The following SUPT3H variants were observed in gnomAD, a reference collection of about 807,000 sequenced individuals.
SUPT3H encodes the protein SPT3 homolog, SAGA and STAGA complex component, also known as transcription initiation protein SPT3 homolog.
A neutral mutation model predicts 44.3 loss-of-function variants in SUPT3H; 44 were observed. That is an observed-to-expected ratio of 0.99 (90% confidence interval 0.78 to 1.28). The LOEUF (loss-of-function observed/expected upper bound fraction) is 1.28, where lower values mean the gene tolerates loss of function less well. SUPT3H is among the 50% of genes most tolerant of loss of function. The pLI is 0.00. For synonymous variants in SUPT3H, 124 were observed against 125.6 expected, an observed-to-expected ratio of 0.99 and a Z score of 0.09; for missense variants, 380 against 387.1, an observed-to-expected ratio of 0.98 and a Z score of 0.15.
intron 2 of SUPT3H, among the ~76,000 whole-genome samples, chr6:45,274,810 G>A (rs750926126): frequency 5.9e-5 from 9 of 152,156 alleles, no homozygotes; most frequent in Non-Finnish European, 1.3e-4. Context: ...CCTGAGCCCA[G>A]GAGGTCGAGA....
At chr6:45,320,561 G>A (rs1785335454) in intron 2 of SUPT3H, among the ~76,000 whole-genome samples, 1 of 151,696 alleles carries the variant, frequency 6.6e-6, no homozygotes. Flanking sequence ...TTATAGGTGT[G>A]AACCACCATG....
intron 10 of SUPT3H, among the ~76,000 whole-genome samples, chr6:44,852,058 C>A (rs1490064973): frequency 1.3e-5 from 2 of 152,082 alleles, no homozygotes; most frequent in Non-Finnish European, 2.9e-5. Flanking sequence ...AGGACCAATT[C>A]GTGGTAATAA....
chr6:44,968,345 T>G (rs536260967), intron 6 of SUPT3H, among the ~76,000 whole-genome samples: 2 of 152,152 alleles, frequency 1.3e-5, no homozygotes, highest in Non-Finnish European at 2.9e-5. Flanking sequence ...CGTGGTCCAC[T>G]TGCAGAAGGA....
intron 9 of SUPT3H, among the ~76,000 whole-genome samples, chr6:44,950,022 G>T (rs1010436055): frequency 6.6e-6 from 1 of 152,162 alleles, no homozygotes; most frequent in African/African-American, 2.4e-5. Flanking sequence ...CTCAGAAACT[G>T]GTGACAGTCC....
At chr6:44,887,273 A>G (rs1253591553) in intron 10 of SUPT3H, among the ~76,000 whole-genome samples, 1 of 152,204 alleles carries the variant, frequency 6.6e-6, no homozygotes, top group Non-Finnish European at 1.5e-5. Flanking sequence ...CTGACCTAAT[A>G]GACATCTACA....
chr6:44,973,930 T>A (rs938087904), intron 6 of SUPT3H, among the ~76,000 whole-genome samples: 1 of 151,974 alleles, frequency 6.6e-6, no homozygotes, highest in African/African-American at 2.4e-5. Flanking sequence ...TTCCACCAGG[T>A]CCCTCCCACG....
At chr6:45,228,631 C>A (rs1299125959) in intron 2 of SUPT3H, among the ~76,000 whole-genome samples, 5 of 152,124 alleles carry the variant, frequency 3.3e-5, no homozygotes, top group African/African-American at 1.2e-4. Flanking sequence ...GAAGAATACA[C>A]CTTCTAAAAA....
chr6:45,016,222 G>C (rs991668307), intron 4 of SUPT3H, among the ~76,000 whole-genome samples: 2 of 151,886 alleles, frequency 1.3e-5, no homozygotes, highest in Non-Finnish European at 2.9e-5. Context: ...TTGATAATTG[G>C]AATTGTTCAG....
intron 2 of SUPT3H, among the ~76,000 whole-genome samples, chr6:45,339,143 T>C (rs1000257767): frequency 6.6e-6 from 1 of 152,168 alleles, no homozygotes; most frequent in Non-Finnish European, 1.5e-5. Flanking sequence ...AGTAATCTTA[T>C]TACTTGACTA....
intron 2 of SUPT3H, among the ~76,000 whole-genome samples, chr6:45,246,815 T>C (rs1771431861): frequency 6.6e-6 from 1 of 152,186 alleles, no homozygotes; most frequent in Non-Finnish European, 1.5e-5. Context: ...TATCAAAATT[T>C]GTAAGATACA....
intron 2 of SUPT3H, among the ~76,000 whole-genome samples, chr6:45,339,507 CCTT>C (rs1422712135): frequency 1.3e-4 from 20 of 152,068 alleles, no homozygotes; most frequent in Non-Finnish European, 2.8e-4. Context: ...TTCTTTCCTT[CCTT>C]TTCTTCCAAT....
In SUPT3H at chr6:45,126,496, A is replaced by AT. The variant is rs545624188; in HGVS notation, c.102-20491dup. ...TTTTTAAAACAAATTAAAACGGTCA[A>AT]TTTTTTTTTAACTTAGGCAAACAGC... On this transcript the variant is annotated intron_variant, in intron 2 of 10. Transcript: ENST00000371459. Among the ~76,000 whole-genome samples, 1,002 of 151,820 alleles carry AT rather than the reference A, an allele frequency of 6.6e-3. 14 individuals are homozygous for AT. Among genetic ancestry groups the AT allele is most frequent in the African/African-American group, 0.021 (885 of 41,450 alleles).
intron 2 of SUPT3H, among the ~76,000 whole-genome samples, chr6:45,207,410 G>A (rs1036748500): frequency 6.6e-6 from 1 of 152,074 alleles, no homozygotes; most frequent in Admixed American, 6.6e-5. Context: ...AGAATGGGAG[G>A]ATAAAAACTG....
chr6:45,326,905 C>G (rs185049353), intron 2 of SUPT3H, among the ~76,000 whole-genome samples: 5 of 151,934 alleles, frequency 3.3e-5, no homozygotes, highest in Non-Finnish European at 5.9e-5. Context: ...TACTGTCACA[C>G]TAGGAAGAAG....
chr6:45,151,933 TTC>T (rs1281490274), intron 2 of SUPT3H, among the ~76,000 whole-genome samples: 1 of 152,144 alleles, frequency 6.6e-6, no homozygotes, highest in Non-Finnish European at 1.5e-5. Flanking sequence ...CTTTGGTTGG[TTC>T]TCTTTCTGTT....
chr6:44,940,375 T>C (rs781679459), intron 9 of SUPT3H, among the ~76,000 whole-genome samples: 30 of 152,112 alleles, frequency 2.0e-4, no homozygotes, highest in Non-Finnish European at 1.8e-4. Context: ...TTGTTACTGG[T>C]TACAGATTTA....
At chr6:45,075,258 C>T (rs563505836) in intron 3 of SUPT3H, among the ~76,000 whole-genome samples, 1 of 152,128 alleles carries the variant, frequency 6.6e-6, no homozygotes, top group South Asian at 2.1e-4. Context: ...AAATACCTTC[C>T]TAAACAGTTA....
At chr6:45,039,889 A>G (rs749016376) in intron 3 of SUPT3H, among the ~76,000 whole-genome samples, 7 of 152,196 alleles carry the variant, frequency 4.6e-5, no homozygotes, top group Middle Eastern at 3.4e-3. Context: ...TATCTTTGCT[A>G]TGCTTGAATA....
At chr6:44,924,942 G>A (rs1769293308) in intron 10 of SUPT3H, among the ~76,000 whole-genome samples, 1 of 151,918 alleles carries the variant, frequency 6.6e-6, no homozygotes, top group Non-Finnish European at 1.5e-5. Context: ...TAATTTTCCA[G>A]GTTGAACACA....
Sources: gnomAD v4.1 joint callset for allele counts (sites outside exome capture counted in the v4.1 genomes callset) on GRCh38, gnomAD v4.1.1 for gene constraint, MANE v1.5 for transcripts, NCBI Gene and HGNC (gene_info 2026-07-23, HGNC 2026-07-21) for gene names.